Variants in MEGF10 observed in about 807,000 individuals in gnomAD.
MEGF10 encodes multiple EGF like domains 10, also known as multiple epidermal growth factor-like domains protein 10.
A neutral mutation model predicts 147.5 loss-of-function variants in MEGF10; 86 were observed. The observed-to-expected ratio is 0.58, with a 90% CI of 0.49 to 0.70. The LOEUF (loss-of-function observed/expected upper bound fraction) is 0.70. MEGF10 is among the 30% of genes least tolerant of loss of function. The probability of loss-of-function intolerance (pLI) is 0.00; values close to 1 mark genes in which losing one functional copy is unlikely to be tolerated. For synonymous variants in MEGF10, 478 were observed against 525.5 expected, an observed-to-expected ratio of 0.91 and a Z score of 1.24; for missense variants, 1,329 against 1,487.3, an observed-to-expected ratio of 0.89 and a Z score of 1.75.
At chr5:127,249,449 T>C in the MEGF10 span, among the ~76,000 whole-genome samples, 2 of 151,748 alleles carry the variant, frequency 1.3e-5, no homozygotes, top group African/African-American at 2.4e-5. Context: ...ATTTCATTGA[T>C]TTAAGAAGGT....
chr5:127,322,753 T>C (rs1760837180), intron 1 of MEGF10, among the ~76,000 whole-genome samples: 1 of 152,218 alleles, frequency 6.6e-6, no homozygotes, highest in African/African-American at 2.4e-5. Flanking sequence ...GAATTAGGTC[T>C]ATGGATTAAA....
At chr5:127,424,604 A>T in intron 13 of MEGF10, 2 of 1,310,448 alleles carry the variant, frequency 1.5e-6, no homozygotes, top group Non-Finnish European at 1.9e-6. Context: ...ATGAACTGTC[A>T]TGTGCTTGAT....
At chr5:127,294,835 T>TAATAATAATAAAAAAA (rs56033520) in intron 1 of MEGF10, among the ~76,000 whole-genome samples, 68 of 143,138 alleles carry the variant, frequency 4.8e-4, no homozygotes, top group South Asian at 3.1e-3. Context: ...ATAATAATAA[T>TAATAATAATAAAAAAA]AAATAACTTG....
chr5:127,309,958 T>C lies in MEGF10; in HGVS notation c.-19+18902T>C, dbSNP rs78802780. 3.2e-3 allele frequency among the ~76,000 whole-genome samples: 191 copies of C among 59,206 alleles called. 2 individuals carry two copies. The highest frequency in any genetic ancestry group is 0.013 in the African/African-American group (184 of 13,996). The allele number at this position is 59,206 out of a possible 152,430, so 38.8% of individuals were successfully genotyped here. A position where few individuals can be genotyped will look rare whatever the true frequency, so the allele number is the denominator to read the frequency against. ...CACATCCTTGCCAACTCTTTCTTTC[T>C]TTCTTTCTTTCTTTCTTTCTTTCTT... On this transcript the variant is annotated intron_variant, in intron 1 of 24. Coordinates refer to ENST00000503335, the MANE Select transcript of MEGF10 (RefSeq NM_001256545.2).
At chr5:127,267,237 T>C in the MEGF10 span, among the ~76,000 whole-genome samples, 1 of 152,222 alleles carries the variant, frequency 6.6e-6, no homozygotes, top group African/African-American at 2.4e-5. Context: ...TTGATTTGTG[T>C]ATGTTGAACC....
At chr5:127,420,590 G>A (rs1184004781) in intron 12 of MEGF10, among the ~76,000 whole-genome samples, 3 of 152,140 alleles carry the variant, frequency 2.0e-5, no homozygotes, top group Admixed American at 6.5e-5. Flanking sequence ...GTGGCAGGGA[G>A]TTGAAAGGAG....
upstream of MEGF10, chr5:127,290,791 G>C (rs560930882): frequency 5.4e-5 from 8 of 148,800 alleles, no homozygotes; most frequent in East Asian, 9.9e-4. Context: ...CCAGCATCTC[G>C]GGCCAGACAG....
chr5:127,292,406 A>G (rs2194079), intron 1 of MEGF10, among the ~76,000 whole-genome samples: 74,162 of 152,132 alleles, frequency 0.49, 18,232 homozygotes, highest in Middle Eastern at 0.68. Flanking sequence ...TAGTAGGCAC[A>G]AATTAGCTTT....
the MEGF10 span, among the ~76,000 whole-genome samples, chr5:127,256,001 A>G: frequency 1.7e-4 from 26 of 152,148 alleles, no homozygotes; most frequent in South Asian, 8.3e-4. Context: ...GGCACCAGAG[A>G]AAACTGCTGT....
At chr5:127,287,190 T>C (rs1759054825), upstream of MEGF10, among the ~76,000 whole-genome samples, 1 of 151,960 alleles carries the variant, frequency 6.6e-6, no homozygotes, top group Non-Finnish European at 1.5e-5. Flanking sequence ...TCCTACTTAA[T>C]GGTACAAGAC....
Position 127,339,236 on chromosome 5 carries a change from G to C in MEGF10, c.218+15G>C. 1 of 1,581,088 alleles carries C rather than the reference G, an allele frequency of 6.3e-7. No homozygotes were observed. The highest frequency in any genetic ancestry group is 8.7e-7 in the Non-Finnish European group (1 of 1,151,884). On this transcript the variant is annotated intron_variant, in intron 3 of 24. Coordinates refer to ENST00000503335, the MANE Select transcript of MEGF10 (RefSeq NM_001256545.2). ...ACGCGGCACAGGTAATAGAAGCTCAGGCATGTTTGTGAGTTTGGCTAACTG... is the reference window on the plus strand; with the variant it reads ...ACGCGGCACAGGTAATAGAAGCTCACGCATGTTTGTGAGTTTGGCTAACTG...
intron 2 of MEGF10, among the ~76,000 whole-genome samples, chr5:127,337,296 C>T (rs1033665035): frequency 6.6e-6 from 1 of 151,994 alleles, no homozygotes; most frequent in Non-Finnish European, 1.5e-5. Flanking sequence ...CTGAGGGGGT[C>T]TTATCTCTGA....
intron 4 of MEGF10, among the ~76,000 whole-genome samples, chr5:127,346,940 ATATC>A (rs1253367292): frequency 6.6e-6 from 1 of 152,080 alleles, no homozygotes. Flanking sequence ...TATTTTATAT[ATATC>A]TTATACATAC....
intron 4 of MEGF10, among the ~76,000 whole-genome samples, chr5:127,341,780 A>G (rs944784541): frequency 6.6e-6 from 1 of 152,200 alleles, no homozygotes; most frequent in Non-Finnish European, 1.5e-5. Context: ...TCTGTAACAT[A>G]TTGCAAATGT....
At chr5:127,444,310 T>A (rs903131349) in intron 19 of MEGF10, 3 of 152,232 alleles carry the variant, frequency 2.0e-5, no homozygotes, top group African/African-American at 7.2e-5. Flanking sequence ...GTAAAATGAC[T>A]TTTACATGCT....
the MEGF10 span, among the ~76,000 whole-genome samples, chr5:127,274,379 T>C: frequency 6.6e-6 from 1 of 152,292 alleles, no homozygotes; most frequent in African/African-American, 2.4e-5. Flanking sequence ...TTATTTTCAA[T>C]TTTGCTAGGT....
At chr5:127,329,498 A>G (rs1761167840) in intron 1 of MEGF10, among the ~76,000 whole-genome samples, 1 of 152,046 alleles carries the variant, frequency 6.6e-6, no homozygotes, top group Non-Finnish European at 1.5e-5. Context: ...ATGATAAACT[A>G]TTTCCTAAAG....
chr5:127,353,632 G>T (rs1762166602), intron 4 of MEGF10, among the ~76,000 whole-genome samples: 1 of 152,232 alleles, frequency 6.6e-6, no homozygotes, highest in Non-Finnish European at 1.5e-5. Context: ...CCCTTCTCCA[G>T]TCCAGCTCCC....
At chr5:127,401,954 T>A (rs1242873319) in intron 7 of MEGF10, among the ~76,000 whole-genome samples, 1 of 152,254 alleles carries the variant, frequency 6.6e-6, no homozygotes. Flanking sequence ...AATGTTTTTC[T>A]TCTGAAATAA....
Sources: allele counts gnomAD v4.1 joint callset (sites outside exome capture counted in the v4.1 genomes callset), GRCh38; gene constraint gnomAD v4.1.1; transcripts MANE v1.5; gene names NCBI Gene and HGNC (gene_info 2026-07-23, HGNC 2026-07-21).